IL16: variants seen among roughly 807,000 people sequenced by gnomAD.
IL16 encodes the protein interleukin 16, also known as pro-interleukin-16.
In IL16, 67 loss-of-function variants were observed where a neutral mutation model predicts 110.1. The ratio of observed to expected loss-of-function variants is 0.61; its 90% CI spans 0.50 to 0.75. The LOEUF (loss-of-function observed/expected upper bound fraction) is 0.75. Ranked by LOEUF, IL16 falls within the 30% of genes least tolerant of loss-of-function variation. The pLI is 0.00. For synonymous variants in IL16, 689 were observed against 662.9 expected (o/e 1.04, Z -0.61); for missense variants, 1,545 against 1,655.0 (o/e 0.93, Z 1.15).
chr15:81,185,658 G>A (rs1895409059), intron 1 of IL16, among the ~76,000 whole-genome samples: 2 of 152,092 alleles, frequency 1.3e-5, no homozygotes, highest in Admixed American at 1.3e-4. Context: ...TGGGCTCTGG[G>A]GATCTAATGG....
At chr15:81,245,536 C>T (rs986477838) in intron 2 of IL16, among the ~76,000 whole-genome samples, 5 of 152,104 alleles carry the variant, frequency 3.3e-5, no homozygotes, top group Non-Finnish European at 7.4e-5. Flanking sequence ...TCTGACAGTA[C>T]CCCAACGGCC....
chr15:81,237,013 A>G (rs896653386), intron 2 of IL16, among the ~76,000 whole-genome samples: 3 of 152,128 alleles, frequency 2.0e-5, no homozygotes, highest in East Asian at 3.9e-4. Flanking sequence ...TTCCAACTCT[A>G]TTTCTCAATA....
intron 12 of IL16, chr15:81,295,622 C>CT (rs1899947023): frequency 1.5e-6 from 1 of 674,450 alleles, no homozygotes; most frequent in Admixed American, 3.0e-5. Context: ...CTCAGCCTTA[C>CT]TTTTTTTAAG....
At chr15:81,284,332 C>G (rs1373584231) in intron 9 of IL16, among the ~76,000 whole-genome samples, 1 of 152,120 alleles carries the variant, frequency 6.6e-6, no homozygotes, top group Non-Finnish European at 1.5e-5. Context: ...AAAAGCCATC[C>G]CTGCTTATGA....
At position 81,308,650 on chromosome 15, in the gene IL16, T is replaced by G. The variant is rs774955243; in HGVS notation, c.3851T>G (p.Ile1284Ser). 7 of 1,613,542 alleles carry G rather than the reference T, an allele frequency of 4.3e-6. No individual in the cohort carries two copies. The Admixed American group carries it at 1.2e-4, about 27-fold the overall frequency. The stretch of plus-strand genomic sequence containing the variant: ...GAGACAGTCCAGCCTGGAGATGAAA[T>G]CTTACAGCTGGGTGGCACTGCCATG... The part of the protein sequence containing the change: ...QSETVQPGDE[I>S]LQLGGTAMQG... The change falls in exon 19 of 19, where the codon ATC (isoleucine) becomes AGC (serine). Residue 1284 changes from isoleucine to serine, a missense_variant. By Grantham distance (142) the Ile-to-Ser change is moderately radical. Coordinates refer to ENST00000683961, the MANE Select transcript of IL16 (RefSeq NM_172217.5).
rs746570942 is a variant in IL16, at chr15:81,292,827, G to GGA, written c.1696_1697dup (p.Ser566ArgfsTer15). 22 of 1,614,090 alleles carry GGA rather than the reference G, an allele frequency of 1.4e-5. No individual in the cohort carries two copies. In the East Asian group the frequency reaches 4.9e-4, roughly 36 times the overall value. ...CTATAGCATCCTCCAGGCTGCCCCA[G>GGA]GAGAGCCCACCCCTCCCAGAGAGCC... On this transcript the variant is annotated frameshift_variant, in exon 12 of 19. Transcript: ENST00000683961. LOFTEE classifies it high-confidence loss of function.
Position 81,304,998 on chromosome 15 carries a change from A to G in IL16, c.3421-910A>G, listed in dbSNP as rs987369918. Reference sequence around the variant, plus strand: ...ATTTTTGTGTGTTTGTTTATCCCACATATCTTGCAGAAAGGGGACCAAGAG... The same window carrying G: ...ATTTTTGTGTGTTTGTTTATCCCACGTATCTTGCAGAAAGGGGACCAAGAG... On this transcript the variant is annotated intron_variant, in intron 16 of 18. Coordinates refer to ENST00000683961, the MANE Select transcript of IL16 (RefSeq NM_172217.5). 5.9e-5 allele frequency among the ~76,000 whole-genome samples: 9 copies of G among 152,214 alleles called. 1 individual carries two copies. The highest frequency in any genetic ancestry group is 1.2e-4 in the Non-Finnish European group (8 of 68,024).
At chr15:81,201,920 T>C (rs1397030095) in intron 1 of IL16, among the ~76,000 whole-genome samples, 1 of 152,208 alleles carries the variant, frequency 6.6e-6, no homozygotes, top group Non-Finnish European at 1.5e-5. Flanking sequence ...CAGTATTCCA[T>C]GTATCTTGAT....
At chr15:81,273,932 C>G (rs1226626400) in intron 6 of IL16, among the ~76,000 whole-genome samples, 1 of 151,844 alleles carries the variant, frequency 6.6e-6, no homozygotes, top group Non-Finnish European at 1.5e-5. Flanking sequence ...TCCCCCCACC[C>G]CCACCTCCAC....
intron 9 of IL16, 92 bp downstream of exon 9, chr15:81,282,848 C>A: frequency 2.0e-6 from 2 of 1,016,266 alleles, no homozygotes; most frequent in Non-Finnish European, 3.1e-6. Context: ...TGGACATGAG[C>A]TATAAAGAAT....
At chr15:81,252,459 AT>A (rs1244707328) in intron 2 of IL16, among the ~76,000 whole-genome samples, 3 of 152,318 alleles carry the variant, frequency 2.0e-5, no homozygotes, top group Non-Finnish European at 2.9e-5. Flanking sequence ...TGAATATTCT[AT>A]TTTTTAATGG....
chr15:81,304,207 T>C (rs1900436509), intron 16 of IL16, among the ~76,000 whole-genome samples: 1 of 152,246 alleles, frequency 6.6e-6, no homozygotes, highest in Admixed American at 6.5e-5. Context: ...ACTTCCTTGA[T>C]TTCCTGATAA....
intron 3 of IL16, among the ~76,000 whole-genome samples, chr15:81,262,658 G>A (rs759370596): frequency 2.2e-4 from 33 of 152,216 alleles, no homozygotes; most frequent in Admixed American, 9.8e-4. Flanking sequence ...AAGGCCGGGC[G>A]CAGTGGCTCA....
intron 5 of IL16, among the ~76,000 whole-genome samples, chr15:81,270,057 T>G (rs1339142921): frequency 6.6e-6 from 1 of 152,236 alleles, no homozygotes; most frequent in Non-Finnish European, 1.5e-5. Flanking sequence ...TATTAATTTA[T>G]AAAAACATAT....
intron 13 of IL16, among the ~76,000 whole-genome samples, chr15:81,297,398 T>G (rs1389539436): frequency 6.6e-6 from 1 of 152,136 alleles, no homozygotes; most frequent in Non-Finnish European, 1.5e-5. Flanking sequence ...GGCAGCTACC[T>G]CTAGGGTGCC....
At chr15:81,272,922 G>GGTGT (rs1898707888) in intron 5 of IL16, among the ~76,000 whole-genome samples, 168 bp from the exon 6 acceptor site, 1 of 149,974 alleles carries the variant, frequency 6.7e-6, no homozygotes, top group African/African-American at 2.5e-5. Flanking sequence ...GTTGTTGTTG[G>GGTGT]TGTTGTTGTT....
intron 12 of IL16, among the ~76,000 whole-genome samples, chr15:81,294,059 AC>A (rs1045441299): frequency 6.6e-6 from 1 of 152,138 alleles, no homozygotes; most frequent in African/African-American, 2.4e-5. Context: ...CCTTAAGCAC[AC>A]CGTGGGCAGG....
chr15:81,259,775 T>G lies in IL16; in HGVS notation c.316T>G (p.Ser106Ala). ...AAAGACGGCAATTGTTTTGCAGGAA[T>G]CTTCCACAGCTTCCTCTCGAGAAAA... The part of the protein sequence containing the change: ...TCRRIFFMKE[S>A]STASSREKPG... The change falls in exon 3 of 19, where the codon TCT becomes GCT. Residue 106 changes from serine to alanine, a missense_variant. Ser to Ala is a moderately conservative substitution (Grantham distance 99). Around this residue, in one of 3 missense-constraint regions of IL16, gnomAD observed 1,185 missense variants for 1,238.8 expected, o/e 0.96. Coordinates refer to ENST00000683961, the MANE Select transcript of IL16 (RefSeq NM_172217.5). 6 of 1,607,918 alleles carry G rather than the reference T, an allele frequency of 3.7e-6. No homozygotes were observed. The highest frequency in any genetic ancestry group is 5.1e-6 in the Non-Finnish European group (6 of 1,174,488).
chr15:81,205,237 C>T (rs1042756027), intron 1 of IL16, among the ~76,000 whole-genome samples: 5 of 144,346 alleles, frequency 3.5e-5, no homozygotes, highest in African/African-American at 1.0e-4. Flanking sequence ...ATCTGGGAGG[C>T]GGAGGTTGCA....
Sources: gnomAD v4.1 joint callset for allele counts (sites outside exome capture counted in the v4.1 genomes callset) on GRCh38, gnomAD v4.1.1 for gene constraint, gnomAD v4.1.1 regional missense constraint, MANE v1.5 for transcripts, NCBI Gene and HGNC (gene_info 2026-07-23, HGNC 2026-07-21) for gene names.